BCAS3: variants seen among roughly 807,000 people sequenced by gnomAD.
BCAS3 encodes the protein BCAS4/BCAS3 fusion.
A neutral mutation model predicts 116.1 loss-of-function variants in BCAS3; 53 were observed. The ratio of observed to expected loss-of-function variants is 0.46; its 90% CI spans 0.37 to 0.57. The LOEUF (loss-of-function observed/expected upper bound fraction) is 0.57, where lower values mean the gene tolerates loss of function less well. Among genes scored for constraint, BCAS3 ranks in the 20% least tolerant of loss-of-function variants. The probability of loss-of-function intolerance (pLI) is 0.00; values close to 1 mark genes in which losing one functional copy is unlikely to be tolerated. For synonymous variants in BCAS3, 391 were observed against 408.2 expected (o/e 0.96, Z 0.51); for missense variants, 917 against 1,165.4 (o/e 0.79, Z 3.10).
At chr17:60,815,083 G>A (rs966207556) in intron 7 of BCAS3, among the ~76,000 whole-genome samples, 5 of 152,124 alleles carry the variant, frequency 3.3e-5, no homozygotes, top group Admixed American at 2.0e-4. Context: ...AGAAAATGTG[G>A]CACATATACA....
intron 13 of BCAS3, among the ~76,000 whole-genome samples, chr17:60,943,500 A>G (rs1343676428): frequency 6.6e-6 from 1 of 152,114 alleles, no homozygotes; most frequent in African/African-American, 2.4e-5. Context: ...AATCATGTTA[A>G]AAGGGTTAAT....
chr17:61,214,346 C>G lies in BCAS3; in HGVS notation c.2425+129782C>G, dbSNP rs1247058541. Among the ~76,000 whole-genome samples, 1 of 147,776 alleles carries G rather than the reference C, an allele frequency of 6.8e-6. No homozygotes were observed. The highest frequency in any genetic ancestry group is 1.5e-5 in the Non-Finnish European group (1 of 67,280). ...CATGCCATTGCACTCCAGCCTCGGC[C>G]ACAGAGCAAGACCCTATCTCAAAAA... On this transcript the variant is annotated intron_variant, in intron 22 of 23. Transcript: ENST00000407086. The surrounding 1 kb of genome is among the most constrained non-coding windows in gnomAD (Gnocchi z 4.4).
intron 6 of BCAS3, among the ~76,000 whole-genome samples, chr17:60,805,307 A>T (rs1162408312): frequency 6.6e-6 from 1 of 152,112 alleles, no homozygotes; most frequent in Non-Finnish European, 1.5e-5. Flanking sequence ...CCTAGATATC[A>T]TATCAGTTTA....
rs2057301869 is a variant in BCAS3 at position 61,343,260 on chromosome 17, G to A, written c.2426-25067G>A. 6.6e-6 allele frequency among the ~76,000 whole-genome samples: 1 copy of A among 152,236 alleles called. No individual in the cohort carries two copies. ...GAAGTGACGTTTCTAAAGGTGCCAT[G>A]TGGAGGAGCAGAACAAGCCCTTCAA... is the stretch of plus-strand genomic sequence containing the variant. On this transcript the variant is annotated intron_variant, in intron 22 of 23. Transcript: ENST00000407086. The surrounding 1 kb of genome is among the most constrained non-coding windows in gnomAD (Gnocchi z 5.5).
In BCAS3 at chr17:60,747,247, G is replaced by C. The variant is rs764847912; in HGVS notation, c.371G>C (p.Arg124Pro). 6.2e-6 allele frequency: 10 copies of C among 1,613,024 alleles called. No homozygotes were observed. The highest frequency in any genetic ancestry group is 7.6e-6 in the Non-Finnish European group (9 of 1,179,262). ...TTCTCTGTTCGACATGGCCCAATTC[G>C]AGCGGCTAGAATCTTGCCTGCTCCA... ...ELFSVRHGPI[R>P]AARILPAPQF... The change falls in exon 6 of 24, where the codon CGA (arginine) becomes CCA (proline). Residue 124 changes from arginine to proline, a missense_variant. By Grantham distance (103) the Arg-to-Pro change is moderately radical. This residue lies in a region of BCAS3 where 807 missense variants were observed against 1,026.0 expected (regional missense o/e 0.79). Transcript: ENST00000407086.
At position 61,199,460 on chromosome 17, in the gene BCAS3, A is replaced by G. The variant is rs2080692978; in HGVS notation, c.2425+114896A>G. On this transcript the variant is annotated intron_variant, in intron 22 of 23. Coordinates refer to ENST00000407086, the MANE Select transcript of BCAS3 (RefSeq NM_017679.5). The surrounding 1 kb of genome is among the most constrained non-coding windows in gnomAD (Gnocchi z 4.6). The stretch of plus-strand genomic sequence containing the variant: ...TTAAAGGCAAATAGTAGCTATCACA[A>G]CCAAATTTAGAATGTGACACCATTG... Among the ~76,000 whole-genome samples the G allele has an allele frequency of 6.6e-6, 1 of 152,194 alleles. No individual in the cohort carries two copies. The highest frequency in any genetic ancestry group is 1.5e-5 in the Non-Finnish European group (1 of 68,028).
chr17:61,147,007 C>T (rs1417716072), intron 22 of BCAS3, among the ~76,000 whole-genome samples: 2 of 152,128 alleles, frequency 1.3e-5, no homozygotes, highest in Admixed American at 1.3e-4. Context: ...CTCGACCTCC[C>T]AGGCTCAAGC....
rs1292594278 is a variant in BCAS3, at chr17:61,095,150, A to G, written c.2425+10586A>G. 6.6e-6 allele frequency among the ~76,000 whole-genome samples: 1 copy of G among 152,228 alleles called. No individual in the cohort carries two copies. On this transcript the variant is annotated intron_variant, in intron 22 of 23. Transcript: ENST00000407086. The surrounding 1 kb of genome is among the most constrained non-coding windows in gnomAD (Gnocchi z 4.7). ...CCTGAAAATGCTATTAATATACTTTATCTTTTAGCAGTTACGTATTTGAGT... is the reference window on the plus strand; with the variant it reads ...CCTGAAAATGCTATTAATATACTTTGTCTTTTAGCAGTTACGTATTTGAGT...
chr17:60,924,667 T>A (rs2059280492), intron 13 of BCAS3, among the ~76,000 whole-genome samples, 167 bp downstream of exon 13: 2 of 152,188 alleles, frequency 1.3e-5, no homozygotes, highest in South Asian at 4.1e-4. Context: ...AATAAAAATT[T>A]AGTACCCCTC....
chr17:60,925,120 T>C (rs1170419378), intron 13 of BCAS3, among the ~76,000 whole-genome samples: 1 of 152,184 alleles, frequency 6.6e-6, no homozygotes, highest in Non-Finnish European at 1.5e-5. Context: ...AGAGTCTCAC[T>C]ATGCTGCCCA....
chr17:60,851,949 G>A (rs1035232781), intron 7 of BCAS3, among the ~76,000 whole-genome samples: 1 of 151,810 alleles, frequency 6.6e-6, no homozygotes, highest in African/African-American at 2.4e-5. Context: ...TTATTTTTTG[G>A]TACAACCAGA....
chr17:60,796,319 A>G (rs927231136), intron 6 of BCAS3, among the ~76,000 whole-genome samples: 23 of 152,066 alleles, frequency 1.5e-4, no homozygotes, highest in African/African-American at 5.1e-4. Flanking sequence ...AATTCTTTGA[A>G]TGTCTACTGG....
chr17:60,724,598 A>T (rs112929716), intron 5 of BCAS3, among the ~76,000 whole-genome samples: 1 of 150,482 alleles, frequency 6.6e-6, no homozygotes, highest in African/African-American at 2.4e-5. Flanking sequence ...GGTGGAATGC[A>T]CCTGTAAGCC....
At chr17:60,792,232 T>C (rs563588529) in intron 6 of BCAS3, among the ~76,000 whole-genome samples, 1 of 152,336 alleles carries the variant, frequency 6.6e-6, no homozygotes, top group South Asian at 2.1e-4. Flanking sequence ...GGCTGCATGC[T>C]CCACGGAGCC....
intron 5 of BCAS3, chr17:60,727,368 G>A (rs753448452): frequency 7.4e-5 from 114 of 1,546,772 alleles, no homozygotes; most frequent in Non-Finnish European, 9.5e-5. Context: ...CGATCATAGC[G>A]CCTCTTTCCC....
In BCAS3 at chr17:61,131,068, A is replaced by T. The variant is rs2076312710; in HGVS notation, c.2425+46504A>T. On this transcript the variant is annotated intron_variant, in intron 22 of 23. Coordinates refer to ENST00000407086, the MANE Select transcript of BCAS3 (RefSeq NM_017679.5). The surrounding 1 kb of genome is among the most constrained non-coding windows in gnomAD (Gnocchi z 4.4). ...AAGACTCTGTCTCAAAAAGGGGGAA[A>T]AAAAAAGATGTTGGAGACCTAGGTT... is the stretch of plus-strand genomic sequence containing the variant. Among the ~76,000 whole-genome samples, 1 of 152,152 alleles carries T rather than the reference A, an allele frequency of 6.6e-6. No homozygotes were observed. Among genetic ancestry groups the T allele is most frequent in the African/African-American group, 2.4e-5 (1 of 41,420 alleles).
intron 6 of BCAS3, among the ~76,000 whole-genome samples, chr17:60,790,332 A>G (rs1484127649): frequency 6.6e-6 from 1 of 152,198 alleles, no homozygotes; most frequent in Non-Finnish European, 1.5e-5. Flanking sequence ...TCAAATTGAT[A>G]TGCATAATAC....
chr17:60,975,960 A>G (rs1173560890), intron 14 of BCAS3, among the ~76,000 whole-genome samples: 1 of 147,804 alleles, frequency 6.8e-6, no homozygotes, highest in African/African-American at 2.5e-5. Context: ...ATAGACATTT[A>G]AGTTGTTTCC....
intron 12 of BCAS3, among the ~76,000 whole-genome samples, chr17:60,914,775 A>G (rs978417873): frequency 1.3e-5 from 2 of 152,214 alleles, no homozygotes; most frequent in Non-Finnish European, 2.9e-5. Flanking sequence ...AACAGTAAAT[A>G]TATTTTCTCT....
Sources: gnomAD v4.1 joint callset for allele counts (sites outside exome capture counted in the v4.1 genomes callset) on GRCh38, gnomAD v4.1.1 for gene constraint, gnomAD v4.1.1 regional missense constraint, Gnocchi (gnomAD v3.1) non-coding constraint, MANE v1.5 for transcripts, NCBI Gene and HGNC (gene_info 2026-07-23, HGNC 2026-07-21) for gene names.